The following HAS3 variants were observed in gnomAD, a reference collection of about 807,000 sequenced individuals.
HAS3 encodes the protein HA synthase 3.
A neutral mutation model predicts 50.3 loss-of-function variants in HAS3; 27 were observed. The ratio of observed to expected loss-of-function variants is 0.54; its 90% CI spans 0.40 to 0.74. HAS3 has a LOEUF of 0.74. Ranked by LOEUF, HAS3 falls within the 30% of genes least tolerant of loss-of-function variation. HAS3 has a pLI of 0.00. For missense variants in HAS3, 517 were observed against 742.8 expected, an observed-to-expected ratio of 0.70 and a Z score of 3.53; for synonymous variants, 339 against 310.9, an observed-to-expected ratio of 1.09 and a Z score of -0.95.
intron 2 of HAS3, among the ~76,000 whole-genome samples, chr16:69,110,854 ACT>A (rs1440069295): frequency 6.6e-6 from 1 of 152,018 alleles, no homozygotes; most frequent in East Asian, 1.9e-4. Context: ...CCTCAAAAAC[ACT>A]CAAAATATTC....
downstream of HAS3, chr16:69,118,627 C>G: frequency 1.4e-6 from 1 of 703,778 alleles, no homozygotes; most frequent in East Asian, 2.7e-5. Context: ...GCTGGAGATC[C>G]TTTCTCTCAA....
At chr16:69,090,439 C>T in the HAS3 span, among the ~76,000 whole-genome samples, 114 of 145,114 alleles carry the variant, frequency 7.9e-4, 2 homozygotes, top group Non-Finnish European at 1.2e-4. Context: ...GAGACAGTCT[C>T]TCTCTGTCAC....
chr16:69,117,159 G>A lies in HAS3; in HGVS notation c.*1893G>A. ...AGGCAATCGTTCTGCTGGCCAAGAA[G>A]TTAAACTATTTTGAGCATTAGAATG... On this transcript the variant is annotated 3_prime_UTR_variant, in exon 4 of 4. Coordinates refer to ENST00000569188, the MANE Select transcript of HAS3 (RefSeq NM_001199280.2). 2.0e-6 allele frequency: 2 copies of A among 985,874 alleles called. No homozygotes were observed. The highest frequency in any genetic ancestry group is 2.4e-6 in the Non-Finnish European group (2 of 829,946). 61.1% of individuals were successfully genotyped at this position (985,874 alleles called of 1,614,324 possible).
the HAS3 span, among the ~76,000 whole-genome samples, chr16:69,094,912 T>C: frequency 3.3e-5 from 5 of 151,598 alleles, no homozygotes; most frequent in Non-Finnish European, 7.4e-5. Flanking sequence ...AATTTCCAGC[T>C]CAAATCCACA....
the HAS3 span, among the ~76,000 whole-genome samples, chr16:69,096,002 GT>G: frequency 6.6e-6 from 1 of 150,530 alleles, no homozygotes; most frequent in Admixed American, 6.6e-5. Flanking sequence ...ATCACTTGAG[GT>G]CAGGAGTTTG....
the HAS3 span, among the ~76,000 whole-genome samples, chr16:69,100,180 G>A: frequency 6.6e-6 from 1 of 152,218 alleles, no homozygotes; most frequent in Non-Finnish European, 1.5e-5. Context: ...TGATTACACA[G>A]TGCTTGTCAG....
chr16:69,107,617 T>G lies in HAS3; in HGVS notation c.1-1779T>G. The G allele has an allele frequency of 1.0e-6, 1 of 985,472 alleles. No homozygotes were observed. Among genetic ancestry groups the G allele is most frequent in the Non-Finnish European group, 1.2e-6 (1 of 829,966 alleles). The allele number at this position is 985,472 out of a possible 1,614,324, so 61.0% of individuals were successfully genotyped here. A position where few individuals can be genotyped will look rare whatever the true frequency, so the allele number is the denominator to read the frequency against. ...CGAGGCGGGGCGCCAGCGCCCAGGT[T>G]GCTGGGCTGGCCTTGGCGCCCCCTT... On this transcript the variant is annotated intron_variant, in intron 1 of 3. Coordinates refer to ENST00000569188, the MANE Select transcript of HAS3 (RefSeq NM_001199280.2). This position sits in a 1 kb window ranked among gnomAD's most constrained non-coding sequence, Gnocchi z 5.5.
the HAS3 span, among the ~76,000 whole-genome samples, chr16:69,088,269 G>A: frequency 5.9e-5 from 9 of 152,022 alleles, no homozygotes; most frequent in Non-Finnish European, 1.3e-4. Context: ...GATAAACAAT[G>A]TCAAGTGGGG....
chr16:69,118,474 A>C, downstream of HAS3: 3 of 1,506,382 alleles, frequency 2.0e-6, no homozygotes, highest in Non-Finnish European at 2.8e-6. Flanking sequence ...CTGATTCTCC[A>C]ATGGTGAGCA....
rs1484670386 is a variant in HAS3, at chr16:69,116,404, T to A, written c.*1138T>A. ...CAATCTTGGAGCTGCTTGGACGGAT[T>A]CCTTGGCAGCCGGGTTAGCATGTGT... On this transcript the variant is annotated 3_prime_UTR_variant, in exon 4 of 4. Coordinates refer to ENST00000569188, the MANE Select transcript of HAS3 (RefSeq NM_001199280.2). 1 of 985,682 alleles carries A rather than the reference T, an allele frequency of 1.0e-6. No homozygotes were observed. The highest frequency in any genetic ancestry group is 1.7e-5 in the African/African-American group (1 of 57,248). The allele number at this position is 985,682 out of a possible 1,614,324, so 61.1% of individuals were successfully genotyped here.
chr16:69,098,892 C>T, the HAS3 span, among the ~76,000 whole-genome samples: 1 of 151,618 alleles, frequency 6.6e-6, no homozygotes, highest in African/African-American at 2.4e-5. Context: ...CTCGAACTTA[C>T]GACCTCAGGT....
In HAS3 at chr16:69,113,649, A is replaced by AG. The variant is rs1961083378; in HGVS notation, c.738+109dup. 7 of 674,712 alleles carry AG rather than the reference A, an allele frequency of 1.0e-5. No individual in the cohort carries two copies. The East Asian group carries it at 1.9e-4, about 18-fold the overall frequency. 41.8% of individuals were successfully genotyped at this position (674,712 alleles called of 1,614,324 possible). On this transcript the variant is annotated intron_variant, in intron 3 of 3. Transcript: ENST00000569188. ...GTCTTGACTTCCTAGTATTGGGGGG[A>AG]GGTTCCTCGCTGGCAGTTTTCACTG...
chr16:69,102,952 C>T (rs1960711650), upstream of HAS3, among the ~76,000 whole-genome samples: 1 of 151,358 alleles, frequency 6.6e-6, no homozygotes, highest in Non-Finnish European at 1.5e-5. Flanking sequence ...TACAAGCAGC[C>T]AGTTGGCTGG....
Position 69,117,233 on chromosome 16 carries a change from T to G in HAS3, c.*1967T>G. On this transcript the variant is annotated 3_prime_UTR_variant, in exon 4 of 4. Coordinates refer to ENST00000569188, the MANE Select transcript of HAS3 (RefSeq NM_001199280.2). ...CAGAGTTCAGACTTCGCTAAGGGCTTGTTTTTCTTCAGCATTTACTTGAAG... is the reference window on the plus strand; with the variant it reads ...CAGAGTTCAGACTTCGCTAAGGGCTGGTTTTTCTTCAGCATTTACTTGAAG... 4 of 985,274 alleles carry G rather than the reference T, an allele frequency of 4.1e-6. No homozygotes were observed. The highest frequency in any genetic ancestry group is 4.8e-6 in the Non-Finnish European group (4 of 829,388). 61.0% of individuals were successfully genotyped at this position (985,274 alleles called of 1,614,324 possible). A position where few individuals can be genotyped will look rare whatever the true frequency, so the allele number is the denominator to read the frequency against.
At position 69,107,795 on chromosome 16, in the gene HAS3, C is replaced by A; in HGVS notation, c.1-1601C>A. 2 of 746,846 alleles carry A rather than the reference C, an allele frequency of 2.7e-6. No homozygotes were observed. The highest frequency in any genetic ancestry group is 1.6e-6 in the Non-Finnish European group (1 of 611,506). The allele number at this position is 746,846 out of a possible 1,614,324, so 46.3% of individuals were successfully genotyped here. On this transcript the variant is annotated intron_variant, in intron 1 of 3. Transcript: ENST00000569188. This position sits in a 1 kb window ranked among gnomAD's most constrained non-coding sequence, Gnocchi z 5.5. Reference sequence around the variant, plus strand: ...AGCAGTAGGGTGGCAACAGGGAGGGCTGGGAGTCCTGTGAAGGAAGCACAC... The same window carrying A: ...AGCAGTAGGGTGGCAACAGGGAGGGATGGGAGTCCTGTGAAGGAAGCACAC...
In HAS3 at chr16:69,106,651, C is replaced by G. The variant is rs988903082; in HGVS notation, c.-1+864C>G. ...ACGCCGGTGCGGGGCTCCAGGCTGG[C>G]TGGGGTACCCCTCCCCCGCACCTTC... is the stretch of plus-strand genomic sequence containing the variant. On this transcript the variant is annotated intron_variant, in intron 1 of 3. Transcript: ENST00000569188. This position sits in a 1 kb window ranked among gnomAD's most constrained non-coding sequence, Gnocchi z 5.5. 1.3e-5 allele frequency: 2 copies of G among 152,274 alleles called. No individual in the cohort carries two copies. Among genetic ancestry groups the G allele is most frequent in the Non-Finnish European group, 2.9e-5 (2 of 68,098 alleles). 9.4% of individuals were successfully genotyped at this position (152,274 alleles called of 1,614,324 possible).
In HAS3 at chr16:69,116,107, G is replaced by A. The variant is rs538991908; in HGVS notation, c.*841G>A. 2 of 985,400 alleles carry A rather than the reference G, an allele frequency of 2.0e-6. No homozygotes were observed. Among genetic ancestry groups the A allele is most frequent in the South Asian group, 4.7e-5 (1 of 21,292 alleles). The allele number at this position is 985,400 out of a possible 1,614,324, so 61.0% of individuals were successfully genotyped here. A position where few individuals can be genotyped will look rare whatever the true frequency, so the allele number is the denominator to read the frequency against. ...AAGCCCCAACATGTTCAGAAAAGAA[G>A]TGAAGTCTTGGGTATTTTAACCTGT... On this transcript the variant is annotated 3_prime_UTR_variant, in exon 4 of 4. Coordinates refer to ENST00000569188, the MANE Select transcript of HAS3 (RefSeq NM_001199280.2).
Position 69,109,614 on chromosome 16 carries a change from C to T in HAS3, c.219C>T (p.Ala73=), listed in dbSNP as rs147525567. 90 of 1,611,920 alleles carry T rather than the reference C, an allele frequency of 5.6e-5. No homozygotes were observed. In the African/African-American group the frequency reaches 6.1e-4, roughly 11 times the overall value. The part of the protein sequence containing the change: ...AFLEHRRMRR[A]GQALKLPSPR... ...TGGAGCACCGGCGCATGCGACGTGC[C>T]GGCCAGGCCCTGAAGCTGCCCTCCC... The change falls in exon 2 of 4, where the codon GCC becomes GCT. Residue 73 remains alanine (A), a synonymous_variant. Coordinates refer to ENST00000569188, the MANE Select transcript of HAS3 (RefSeq NM_001199280.2). The surrounding 1 kb of genome is among the most constrained non-coding windows in gnomAD (Gnocchi z 5.3).
Position 69,107,443 on chromosome 16 carries a change from G to A in HAS3, c.-1+1656G>A. The A allele has an allele frequency of 1.0e-6, 1 of 985,628 alleles. No individual in the cohort carries two copies. The highest frequency in any genetic ancestry group is 1.2e-6 in the Non-Finnish European group (1 of 830,058). The allele number at this position is 985,628 out of a possible 1,614,324, so 61.1% of individuals were successfully genotyped here. A position where few individuals can be genotyped will look rare whatever the true frequency, so the allele number is the denominator to read the frequency against. On this transcript the variant is annotated intron_variant, in intron 1 of 3. Coordinates refer to ENST00000569188, the MANE Select transcript of HAS3 (RefSeq NM_001199280.2). The surrounding 1 kb of genome is among the most constrained non-coding windows in gnomAD (Gnocchi z 5.5). The stretch of plus-strand genomic sequence containing the variant: ...CCGACTGGGATCCCTTGGGTTTTCC[G>A]TTCCTTCCCGGTTGGGTCGTGGGAA...
Sources: allele counts gnomAD v4.1 joint callset (sites outside exome capture counted in the v4.1 genomes callset), GRCh38; gene constraint gnomAD v4.1.1; non-coding constraint Gnocchi (gnomAD v3.1); transcripts MANE v1.5; gene names NCBI Gene and HGNC (gene_info 2026-07-23, HGNC 2026-07-21).